PREX2: variants seen among roughly 807,000 people sequenced by gnomAD.
The protein encoded by PREX2 is phosphatidylinositol 3,4,5-trisphosphate-dependent Rac exchanger 2 protein.
PREX2 carries 107 observed loss-of-function variants against 203.2 expected under a neutral mutation model. The observed-to-expected ratio is 0.53, with a 90% CI of 0.45 to 0.62. The LOEUF (loss-of-function observed/expected upper bound fraction) is 0.62, where lower values mean the gene tolerates loss of function less well. Among genes scored for constraint, PREX2 ranks in the 20% least tolerant of loss-of-function variants. The pLI is 0.00. For missense variants in PREX2, 1,777 were observed against 1,955.9 expected, an observed-to-expected ratio of 0.91 and a Z score of 1.72; for synonymous variants, 672 against 663.6, an observed-to-expected ratio of 1.01 and a Z score of -0.19.
intron 35 of PREX2, among the ~76,000 whole-genome samples, chr8:68,190,393 A>T (rs2033583): frequency 7.9e-5 from 12 of 152,040 alleles, no homozygotes; most frequent in Non-Finnish European, 1.5e-4. Flanking sequence ...TCAAAACGGC[A>T]TAATATGCAG....
At chr8:68,078,778 A>C (rs1469779) in intron 15 of PREX2, among the ~76,000 whole-genome samples, 81,128 of 151,972 alleles carry the variant, frequency 0.53, 21,667 homozygotes, top group South Asian at 0.56. Context: ...CAAAAGTTTC[A>C]ATTTTTTTTC....
intron 30 of PREX2, among the ~76,000 whole-genome samples, chr8:68,123,489 G>A (rs1156425797): frequency 2.0e-5 from 3 of 151,916 alleles, no homozygotes; most frequent in African/African-American, 7.2e-5. Flanking sequence ...TAGACCACTA[G>A]CTGGGCTAGT....
intron 35 of PREX2, among the ~76,000 whole-genome samples, chr8:68,162,597 T>G (rs1310317020): frequency 6.6e-6 from 1 of 152,072 alleles, no homozygotes; most frequent in Non-Finnish European, 1.5e-5. Context: ...AAGATGGCAA[T>G]GAAGAGAATG....
intron 35 of PREX2, among the ~76,000 whole-genome samples, chr8:68,162,723 G>A (rs1003762142): frequency 1.8e-4 from 27 of 152,074 alleles, no homozygotes; most frequent in Admixed American, 1.3e-4. Context: ...AGGAAAAGCT[G>A]GGCCAGGGAG....
chr8:68,114,897 T>C (rs555694754), intron 25 of PREX2, among the ~76,000 whole-genome samples: 1 of 152,322 alleles, frequency 6.6e-6, no homozygotes, highest in African/African-American at 2.4e-5. Flanking sequence ...AGGTGGGTTT[T>C]TAATACTGAA....
chr8:68,061,284 C>T (rs905622333), intron 11 of PREX2, among the ~76,000 whole-genome samples: 1 of 152,008 alleles, frequency 6.6e-6, no homozygotes, highest in Non-Finnish European at 1.5e-5. Flanking sequence ...GGAGGTGTGG[C>T]AAAAAGGCAG....
At chr8:68,104,492 A>G (rs1810352843) in intron 23 of PREX2, among the ~76,000 whole-genome samples, 1 of 152,024 alleles carries the variant, frequency 6.6e-6, no homozygotes, top group Admixed American at 6.6e-5. Flanking sequence ...AGATGCTCAC[A>G]TTTCTAACTT....
At position 68,192,376 on chromosome 8, in the gene PREX2, G is replaced by A. The variant is rs767849671; in HGVS notation, c.4455G>A (p.Leu1485=). The part of the protein sequence containing the change: ...PLNALDELYR[L]VASFIRSKRT... The stretch of plus-strand genomic sequence containing the variant: ...ACGCTTTGGATGAACTTTACCGACT[G>A]GTAGCCTCGTTTATCAGATCCAAGC... The change falls in exon 37 of 40, where the codon CTG becomes CTA. Residue 1485 remains leucine (L), a synonymous_variant. Coordinates refer to ENST00000288368, the MANE Select transcript of PREX2 (RefSeq NM_024870.4). 3 of 1,611,966 alleles carry A rather than the reference G, an allele frequency of 1.9e-6. No individual in the cohort carries two copies. In the South Asian group the frequency reaches 3.3e-5, roughly 18 times the overall value.
intron 11 of PREX2, among the ~76,000 whole-genome samples, chr8:68,063,502 C>T (rs1048127098): frequency 2.6e-5 from 4 of 152,086 alleles, no homozygotes; most frequent in African/African-American, 9.7e-5. Flanking sequence ...GAGGAGAGCA[C>T]CATCACTCAT....
intron 33 of PREX2, among the ~76,000 whole-genome samples, chr8:68,139,855 A>T (rs1374354660): frequency 2.0e-5 from 3 of 152,192 alleles, no homozygotes; most frequent in African/African-American, 7.2e-5. Flanking sequence ...TTTGATAAGG[A>T]TAATATTATT....
intron 35 of PREX2, among the ~76,000 whole-genome samples, chr8:68,185,948 A>G (rs1340837080): frequency 6.7e-6 from 1 of 148,598 alleles, no homozygotes; most frequent in African/African-American, 2.5e-5. Flanking sequence ...AAATATGGTT[A>G]GTTTTGGCAT....
In PREX2 at chr8:68,133,993, G is replaced by T. The variant is rs113579494; in HGVS notation, c.3767-66G>T. ...TGAAATGCTAGTGAATGTAGATGCT[G>T]AACGCATTGGTTTTCACCATCTGCA... On this transcript the variant is annotated intron_variant, in intron 31 of 39. Coordinates refer to ENST00000288368, the MANE Select transcript of PREX2 (RefSeq NM_024870.4). 1.5e-3 allele frequency: 1,858 copies of T among 1,246,324 alleles called. 19 individuals are homozygous for T. In the African/African-American group the frequency reaches 0.022, roughly 15 times the overall value. The allele number at this position is 1,246,324 out of a possible 1,614,324, so 77.2% of individuals were successfully genotyped here. A position where few individuals can be genotyped will look rare whatever the true frequency, so the allele number is the denominator to read the frequency against.
intron 21 of PREX2, among the ~76,000 whole-genome samples, chr8:68,095,831 C>T (rs866924709): frequency 1.2e-4 from 18 of 152,030 alleles, no homozygotes; most frequent in Admixed American, 4.6e-4. Context: ...TTGATAGAGA[C>T]AAGGTCTTGC....
At chr8:68,090,002 C>A (rs1223904544) in intron 19 of PREX2, among the ~76,000 whole-genome samples, 2 of 152,108 alleles carry the variant, frequency 1.3e-5, no homozygotes, top group East Asian at 1.9e-4. Context: ...GTGATGCTAT[C>A]TCATTAATTC....
intron 8 of PREX2, among the ~76,000 whole-genome samples, chr8:68,046,316 A>G (rs1380667781): frequency 1.3e-5 from 2 of 152,066 alleles, no homozygotes; most frequent in African/African-American, 2.4e-5. Flanking sequence ...GCTTTTGGGC[A>G]GCTGGAGAAC....
chr8:68,107,378 G>A (rs1810438053), intron 23 of PREX2, among the ~76,000 whole-genome samples: 1 of 152,050 alleles, frequency 6.6e-6, no homozygotes, highest in Admixed American at 6.6e-5. Context: ...GATCTGACTT[G>A]GGCTGCTTTG....
At chr8:68,014,116 C>G (rs1807343987) in intron 1 of PREX2, among the ~76,000 whole-genome samples, 2 of 152,114 alleles carry the variant, frequency 1.3e-5, no homozygotes, top group African/African-American at 4.8e-5. Context: ...TACTTTTGAA[C>G]TAGCAACAGC....
chr8:68,037,996 G>A (rs942262178), intron 6 of PREX2, among the ~76,000 whole-genome samples, 163 bp from the exon 7 acceptor site: 3 of 152,108 alleles, frequency 2.0e-5, no homozygotes, highest in Admixed American at 6.5e-5. Context: ...TGGGGGGTTA[G>A]GGGCCCTCCA....
chr8:67,988,715 A>G (rs1313899206), intron 1 of PREX2, among the ~76,000 whole-genome samples: 1 of 152,090 alleles, frequency 6.6e-6, no homozygotes, highest in Non-Finnish European at 1.5e-5. Flanking sequence ...CTTCTCCTTG[A>G]CCAGCTCAGC....
Sources: allele counts gnomAD v4.1 joint callset (sites outside exome capture counted in the v4.1 genomes callset), GRCh38; gene constraint gnomAD v4.1.1; transcripts MANE v1.5; gene names NCBI Gene and HGNC (gene_info 2026-07-23, HGNC 2026-07-21).